Variants in GABRG3 observed in about 807,000 individuals in gnomAD.
GABRG3 encodes gamma-aminobutyric acid type A receptor subunit gamma3.
GABRG3 carries 25 observed loss-of-function variants against 48.8 expected under a neutral mutation model. That is an observed-to-expected ratio of 0.51 (90% confidence interval 0.37 to 0.72). The LOEUF is 0.72. Ranked by LOEUF, GABRG3 falls within the 30% of genes least tolerant of loss-of-function variation. The probability of loss-of-function intolerance (pLI) is 0.00; values close to 1 mark genes in which losing one functional copy is unlikely to be tolerated. For synonymous variants in GABRG3, 227 were observed against 217.6 expected (o/e 1.04, Z -0.38); for missense variants, 394 against 577.9 (o/e 0.68, Z 3.26).
intron 5 of GABRG3, among the ~76,000 whole-genome samples, chr15:27,431,105 A>T (rs895088836): frequency 6.6e-6 from 1 of 151,966 alleles, no homozygotes; most frequent in African/African-American, 2.4e-5. Context: ...ATCTATCCTT[A>T]TGACAGTAGC....
At chr15:27,443,795 C>G (rs1205119353) in intron 5 of GABRG3, among the ~76,000 whole-genome samples, 1 of 151,992 alleles carries the variant, frequency 6.6e-6, no homozygotes, top group Non-Finnish European at 1.5e-5. Flanking sequence ...TGTCAGGTAC[C>G]CTTTATCAAG....
intron 3 of GABRG3, among the ~76,000 whole-genome samples, chr15:27,105,357 C>T (rs985025151): frequency 6.6e-6 from 1 of 152,052 alleles, no homozygotes; most frequent in Non-Finnish European, 1.5e-5. Flanking sequence ...TAGTAGTATA[C>T]ACTTCCTGAA....
At chr15:27,411,627 G>A (rs1268581250) in intron 5 of GABRG3, among the ~76,000 whole-genome samples, 1 of 152,096 alleles carries the variant, frequency 6.6e-6, no homozygotes, top group African/African-American at 2.4e-5. Context: ...GCTTTTATGG[G>A]GGGGATTTTC....
At chr15:27,273,190 T>C (rs1761465017) in intron 3 of GABRG3, among the ~76,000 whole-genome samples, 2 of 152,224 alleles carry the variant, frequency 1.3e-5, no homozygotes, top group Non-Finnish European at 2.9e-5. Context: ...ATCTGATACA[T>C]GAAAGATGCT....
intron 3 of GABRG3, among the ~76,000 whole-genome samples, chr15:27,218,042 C>T (rs1050168310): frequency 3.9e-5 from 6 of 152,122 alleles, no homozygotes; most frequent in Non-Finnish European, 8.8e-5. Flanking sequence ...GAGCTTCCCG[C>T]GCTGTCTCCC....
In GABRG3 at chr15:27,532,908, G is replaced by A. The variant is rs367915404; in HGVS notation, c.*27G>A. ...TGTTGCTCAGAGTGAAGAGTGAAGA[G>A]CATTTGGTACACACTTGACCTTCTG... On this transcript the variant is annotated 3_prime_UTR_variant, in exon 10 of 10. Coordinates refer to ENST00000615808, the MANE Select transcript of GABRG3 (RefSeq NM_033223.5). The A allele has an allele frequency of 6.0e-5, 96 of 1,605,320 alleles. No individual in the cohort carries two copies. The Middle Eastern group carries it at 1.9e-3, about 31-fold the overall frequency.
At chr15:26,988,871 C>G (rs549793735) in intron 2 of GABRG3, among the ~76,000 whole-genome samples, 2 of 152,222 alleles carry the variant, frequency 1.3e-5, no homozygotes, top group African/African-American at 4.8e-5. Flanking sequence ...TTCAGCATGG[C>G]TGAAAATATT....
At chr15:27,104,710 C>T (rs1897420336) in intron 3 of GABRG3, among the ~76,000 whole-genome samples, 1 of 152,184 alleles carries the variant, frequency 6.6e-6, no homozygotes. Flanking sequence ...TGTTTGCTTC[C>T]TCAGCTGAAT....
chr15:27,221,299 C>T lies in GABRG3; in HGVS notation c.271-105510C>T, dbSNP rs559349024. Among the ~76,000 whole-genome samples, 110 of 152,132 alleles carry T rather than the reference C, an allele frequency of 7.2e-4. 4 individuals carry two copies. In the South Asian group the frequency reaches 0.022, roughly 30 times the overall value. ...GTAGAGCAAGGTTTTATTCTCTTGC[C>T]ATCTGCTTGCAAAAGAGTGAGAAGA... On this transcript the variant is annotated intron_variant, in intron 3 of 9. Coordinates refer to ENST00000615808, the MANE Select transcript of GABRG3 (RefSeq NM_033223.5).
chr15:27,188,767 A>G lies in GABRG3; in HGVS notation c.271-138042A>G, dbSNP rs1320646998. 1.2e-4 allele frequency among the ~76,000 whole-genome samples: 19 copies of G among 152,124 alleles called. 1 individual carries two copies. On this transcript the variant is annotated intron_variant, in intron 3 of 9. Transcript: ENST00000615808. ...TTTGTCAATTTTGGCTTTTGTTGCCATTGCTTTTGGTGTTTTACACATGAA... is the reference window on the plus strand; with the variant it reads ...TTTGTCAATTTTGGCTTTTGTTGCCGTTGCTTTTGGTGTTTTACACATGAA...
At chr15:27,397,930 G>A (rs549457204) in intron 5 of GABRG3, among the ~76,000 whole-genome samples, 19 of 150,938 alleles carry the variant, frequency 1.3e-4, no homozygotes, top group Admixed American at 4.0e-4. Flanking sequence ...TCAGCCTCCC[G>A]AGTAGCTGGG....
intron 3 of GABRG3, among the ~76,000 whole-genome samples, chr15:27,272,182 G>A (rs756505491): frequency 3.3e-5 from 5 of 152,200 alleles, no homozygotes; most frequent in East Asian, 1.9e-4. Flanking sequence ...TTCATTCCCC[G>A]TGGGTAACTA....
At chr15:27,113,849 T>C (rs1346834773) in intron 3 of GABRG3, among the ~76,000 whole-genome samples, 1 of 152,210 alleles carries the variant, frequency 6.6e-6, no homozygotes, top group Non-Finnish European at 1.5e-5. Flanking sequence ...CCCTAAGGTG[T>C]AATTCGTAGA....
intron 5 of GABRG3, among the ~76,000 whole-genome samples, chr15:27,370,383 C>A (rs1047828186): frequency 2.6e-5 from 4 of 152,228 alleles, no homozygotes; most frequent in African/African-American, 9.6e-5. Context: ...GCCTGGAGTA[C>A]TTGTTCTGCA....
At chr15:27,094,796 T>C (rs1897245285) in intron 3 of GABRG3, among the ~76,000 whole-genome samples, 2 of 152,220 alleles carry the variant, frequency 1.3e-5, no homozygotes, top group South Asian at 2.1e-4. Context: ...TAGATATTTA[T>C]TGTTAAAATT....
intron 3 of GABRG3, among the ~76,000 whole-genome samples, chr15:27,171,092 C>T (rs898108751): frequency 6.6e-5 from 10 of 152,140 alleles, no homozygotes; most frequent in African/African-American, 2.4e-4. Flanking sequence ...AGGAGAGGAC[C>T]AGTGTCTCAC....
chr15:27,314,261 A>G (rs544556814), intron 3 of GABRG3, among the ~76,000 whole-genome samples: 14 of 152,340 alleles, frequency 9.2e-5, no homozygotes, highest in Middle Eastern at 6.8e-3. Flanking sequence ...AGACTTGACT[A>G]TACATGTCTC....
At chr15:27,046,279 A>G (rs60192667) in intron 3 of GABRG3, among the ~76,000 whole-genome samples, 25,770 of 131,148 alleles carry the variant, frequency 0.2, 3,285 homozygotes, top group African/African-American at 0.39. Flanking sequence ...TTTTTTTTGT[A>G]TTTTTAGTAG....
chr15:27,404,112 T>G (rs1887562167), intron 5 of GABRG3, among the ~76,000 whole-genome samples: 1 of 151,940 alleles, frequency 6.6e-6, no homozygotes, highest in Non-Finnish European at 1.5e-5. Context: ...TCCCAGCTAC[T>G]TGGGAGGCTG....
Sources: allele counts gnomAD v4.1 joint callset (sites outside exome capture counted in the v4.1 genomes callset), GRCh38; gene constraint gnomAD v4.1.1; transcripts MANE v1.5; gene names NCBI Gene and HGNC (gene_info 2026-07-23, HGNC 2026-07-21).